NFYC: variants seen among roughly 807,000 people sequenced by gnomAD.
The protein encoded by NFYC is nuclear transcription factor Y subunit gamma, also known as CAAT box DNA-binding protein subunit C.
In NFYC, 25 loss-of-function variants were observed where a neutral mutation model predicts 53.1. That is an observed-to-expected ratio of 0.47 (90% CI 0.34 to 0.66). The LOEUF (loss-of-function observed/expected upper bound fraction) is 0.66, where lower values mean the gene tolerates loss of function less well. Among genes scored for constraint, NFYC ranks in the 30% least tolerant of loss-of-function variants. The probability of loss-of-function intolerance (pLI) is 0.01; values close to 1 mark genes in which losing one functional copy is unlikely to be tolerated. For synonymous variants in NFYC, 145 were observed against 152.6 expected, an observed-to-expected ratio of 0.95 and a Z score of 0.37; for missense variants, 260 against 422.7, an observed-to-expected ratio of 0.62 and a Z score of 3.38.
At chr1:40,705,430 A>G (rs1303371157) in intron 1 of NFYC, among the ~76,000 whole-genome samples, 1 of 152,228 alleles carries the variant, frequency 6.6e-6, no homozygotes, top group Non-Finnish European at 1.5e-5. Flanking sequence ...GTAGCTATTC[A>G]GAATCTGTAA....
chr1:40,691,868 G>A lies in NFYC; in HGVS notation c.-9+1G>A, dbSNP rs1642812634. 1 of 402,722 alleles carries A rather than the reference G, an allele frequency of 2.5e-6. No individual in the cohort carries two copies. 24.9% of individuals were successfully genotyped at this position (402,722 alleles called of 1,614,324 possible). On this transcript the variant is annotated splice_donor_variant, in intron 1 of 9. Coordinates refer to ENST00000447388, the MANE Select transcript of NFYC (RefSeq NM_014223.5). LOFTEE classifies it low-confidence loss of function (5UTR_SPLICE). The stretch of plus-strand genomic sequence containing the variant: ...GCTCTTCCTGGACTCCTGAGCAGAG[G>A]TGTGTGAGTGTGCGGGAGTTTCTGT...
At chr1:40,715,852 A>T (rs1157127479) in intron 1 of NFYC, among the ~76,000 whole-genome samples, 3 of 152,258 alleles carry the variant, frequency 2.0e-5, no homozygotes, top group Non-Finnish European at 4.4e-5. Context: ...AAAGTGGCAT[A>T]ACATTGTGAC....
At chr1:40,740,421 A>G (rs930557359) in intron 2 of NFYC, among the ~76,000 whole-genome samples, 2 of 137,950 alleles carry the variant, frequency 1.4e-5, no homozygotes, top group Admixed American at 7.2e-5. Flanking sequence ...ATGAAATGAA[A>G]TAACTTATTA....
Position 40,753,725 on chromosome 1 carries a change from A to C in NFYC, c.387+479A>C, listed in dbSNP as rs371933635. 2.4e-4 allele frequency among the ~76,000 whole-genome samples: 37 copies of C among 152,292 alleles called. No homozygotes were observed. The South Asian group carries it at 4.6e-3, about 19-fold the overall frequency. The stretch of plus-strand genomic sequence containing the variant: ...AGAATCACCTGTTGGGGTTTTAAAA[A>C]TATCAGCGCCCAGGCTCTAACCCAC... On this transcript the variant is annotated intron_variant, in intron 5 of 9. Coordinates refer to ENST00000447388, the MANE Select transcript of NFYC (RefSeq NM_014223.5).
intron 7 of NFYC, 186 bp downstream of exon 7, chr1:40,763,232 A>G (rs2148775992): frequency 2.0e-6 from 1 of 489,454 alleles, no homozygotes; most frequent in Non-Finnish European, 3.6e-6. Context: ...GTATGTCTCT[A>G]TATATACCTT....
At position 40,718,272 on chromosome 1, in the gene NFYC, C is replaced by T. The variant is rs116097642; in HGVS notation, c.-8-20564C>T. 5.0e-3 allele frequency among the ~76,000 whole-genome samples: 754 copies of T among 152,234 alleles called. 5 individuals carry two copies. Among genetic ancestry groups the T allele is most frequent in the African/African-American group, 0.017 (718 of 41,526 alleles). On this transcript the variant is annotated intron_variant, in intron 1 of 9. Coordinates refer to ENST00000447388, the MANE Select transcript of NFYC (RefSeq NM_014223.5). ...ATCTACCTAATGTAAGTAGGACAGA[C>T]GATTATCATCCCCCATTTTGAGGGT...
intron 1 of NFYC, among the ~76,000 whole-genome samples, chr1:40,709,109 C>T (rs1399424599): frequency 6.6e-6 from 1 of 152,180 alleles, no homozygotes; most frequent in Non-Finnish European, 1.5e-5. Context: ...GTGCATTTGC[C>T]AGACATTTCC....
chr1:40,738,124 G>C (rs559233924), intron 1 of NFYC, among the ~76,000 whole-genome samples: 10 of 151,786 alleles, frequency 6.6e-5, no homozygotes, highest in African/African-American at 2.4e-4. Context: ...GGATGGTCTC[G>C]ATCTCCTGAC....
At chr1:40,733,685 C>G (rs528149138) in intron 1 of NFYC, among the ~76,000 whole-genome samples, 1 of 151,396 alleles carries the variant, frequency 6.6e-6, no homozygotes, top group East Asian at 2.0e-4. Context: ...CCTTCTGCCT[C>G]AGCCTCCTGA....
chr1:40,737,833 A>T (rs571122301), intron 1 of NFYC, among the ~76,000 whole-genome samples: 1 of 152,062 alleles, frequency 6.6e-6, no homozygotes, highest in East Asian at 1.9e-4. Flanking sequence ...AATAATCATC[A>T]TCAGGAGCCC....
intron 3 of NFYC, 63 bp downstream of exon 3, chr1:40,747,668 A>G (rs1027622136): frequency 1.9e-6 from 2 of 1,042,040 alleles, no homozygotes; most frequent in African/African-American, 3.2e-5. Flanking sequence ...GTTATTGCTC[A>G]TTTCTCTAGA....
chr1:40,701,046 TATC>T (rs1344572968), intron 1 of NFYC, among the ~76,000 whole-genome samples: 1 of 152,220 alleles, frequency 6.6e-6, no homozygotes, highest in Non-Finnish European at 1.5e-5. Flanking sequence ...ATTAGTTCCT[TATC>T]ATTGTCCTTA....
intron 5 of NFYC, among the ~76,000 whole-genome samples, chr1:40,753,582 G>C (rs530264564): frequency 6.6e-6 from 1 of 152,320 alleles, no homozygotes; most frequent in Non-Finnish European, 1.5e-5. Flanking sequence ...ATAGATTTTA[G>C]ATTTTTAAGA....
chr1:40,743,514 A>G lies in NFYC; in HGVS notation c.106-4020A>G, dbSNP rs534732468. ...GCTGAATTTCGAAAAGAAAAATCTA[A>G]TTCTCTACTTACTCTTTACATCCCA... On this transcript the variant is annotated intron_variant, in intron 2 of 9. Transcript: ENST00000447388. Among the ~76,000 whole-genome samples the G allele has an allele frequency of 1.4e-3, 214 of 152,344 alleles. 1 individual carries two copies. The highest frequency in any genetic ancestry group is 2.2e-3 in the Non-Finnish European group (152 of 68,032).
intron 6 of NFYC, among the ~76,000 whole-genome samples, chr1:40,760,674 C>T (rs1049643850): frequency 1.3e-5 from 2 of 151,228 alleles, no homozygotes; most frequent in Non-Finnish European, 2.9e-5. Context: ...AAGCTGAGAT[C>T]GTGCCACTGC....
rs200933719 is a variant in NFYC, at chr1:40,738,968, T to G, written c.105+20T>G. 1 of 1,548,574 alleles carries G rather than the reference T, an allele frequency of 6.5e-7. No homozygotes were observed. Among genetic ancestry groups the G allele is most frequent in the Non-Finnish European group, 8.9e-7 (1 of 1,120,674 alleles). ...ACAGTGGTGAGGAAGAATGAGAAAC[T>G]TTTATTAGAAACTTTTAAAGAGTAT... On this transcript the variant is annotated intron_variant, in intron 2 of 9. Coordinates refer to ENST00000447388, the MANE Select transcript of NFYC (RefSeq NM_014223.5).
intron 6 of NFYC, among the ~76,000 whole-genome samples, chr1:40,762,014 G>T (rs535467086): frequency 2.8e-4 from 43 of 152,022 alleles, no homozygotes; most frequent in Middle Eastern, 3.4e-3. Flanking sequence ...AGTACTAAAG[G>T]TTTGAGATTT....
intron 1 of NFYC, among the ~76,000 whole-genome samples, chr1:40,693,698 T>A (rs1193336604): frequency 1.3e-5 from 2 of 152,210 alleles, no homozygotes; most frequent in African/African-American, 4.8e-5. Context: ...GAGCTAGAAT[T>A]CAAACCCTGG....
At chr1:40,733,019 C>CTTT (rs11446084) in intron 1 of NFYC, among the ~76,000 whole-genome samples, 8 of 103,190 alleles carry the variant, frequency 7.8e-5, no homozygotes, top group Non-Finnish European at 1.1e-4. Flanking sequence ...CCCCCCCCCC[C>CTTT]TTTTTTTTTT....
Sources: gnomAD v4.1 joint callset for allele counts (sites outside exome capture counted in the v4.1 genomes callset) on GRCh38, gnomAD v4.1.1 for gene constraint, MANE v1.5 for transcripts, NCBI Gene and HGNC (gene_info 2026-07-23, HGNC 2026-07-21) for gene names.